The following CAD variants were observed in gnomAD, a reference collection of about 807,000 sequenced individuals.
The protein encoded by CAD is multifunctional protein CAD.
CAD carries 81 observed loss-of-function variants against 237.2 expected under a neutral mutation model. The ratio of observed to expected loss-of-function variants is 0.34; its 90% CI spans 0.29 to 0.41. CAD has a LOEUF of 0.41. Ranked by LOEUF, CAD falls within the 10% of genes least tolerant of loss-of-function variation. CAD has a pLI of 1.00. For synonymous variants in CAD, 1,196 were observed against 1,162.8 expected (o/e 1.03, Z -0.58); for missense variants, 2,181 against 2,951.7 (o/e 0.74, Z 6.05).
At position 27,226,511 on chromosome 2, in the gene CAD, C is replaced by T; in HGVS notation, c.2032-14C>T. Reference sequence around the variant, plus strand: ...GGTCTTCTAGGCCAGTGACTTTATTCTCCTTCTTTGCAGTATTACATCATT... The same window carrying T: ...GGTCTTCTAGGCCAGTGACTTTATTTTCCTTCTTTGCAGTATTACATCATT... On this transcript the variant is annotated splice_polypyrimidine_tract_variant and intron_variant, in intron 13 of 43. Transcript: ENST00000264705. 4 of 1,613,758 alleles carry T rather than the reference C, an allele frequency of 2.5e-6. No homozygotes were observed. The South Asian group carries it at 3.3e-5, about 13-fold the overall frequency.
chr2:27,242,939 A>T lies in CAD; in HGVS notation c.6446A>T (p.Lys2149Met). Residue 2149 changes from lysine to methionine, a missense_variant, in exon 42 of 44, where the codon AAG becomes ATG. Physicochemically the swap from Lys to Met is moderately conservative, Grantham distance 95. Coordinates refer to ENST00000264705, the MANE Select transcript of CAD (RefSeq NM_004341.5). The surrounding 1 kb of genome is among the most constrained non-coding windows in gnomAD (Gnocchi z 6.4). ...GTGCTCTACATGACTCGAATCCAGA[A>T]GGAACGATTTGGCTCTACCCAGGAG... ...TDVLYMTRIQ[K>M]ERFGSTQEYE... 1 of 1,608,798 alleles carries T rather than the reference A, an allele frequency of 6.2e-7. No homozygotes were observed. Among genetic ancestry groups the T allele is most frequent in the Non-Finnish European group, 8.5e-7 (1 of 1,175,692 alleles).
intron 1 of CAD, 95 bp from the exon 2 acceptor site, chr2:27,217,782 C>G: frequency 2.0e-6 from 3 of 1,482,310 alleles, no homozygotes; most frequent in Non-Finnish European, 2.7e-6. Flanking sequence ...ATAAACCCCT[C>G]GCGACCAAGG....
At chr2:27,231,073 G>A (rs1169535416) in intron 15 of CAD, among the ~76,000 whole-genome samples, 1 of 152,186 alleles carries the variant, frequency 6.6e-6, no homozygotes, top group Non-Finnish European at 1.5e-5. Context: ...TGGTGTGATC[G>A]CTGCTCACTG....
rs781352392 is a variant in CAD, at chr2:27,232,473, C to T, written c.2671C>T (p.Arg891Cys). The T allele has an allele frequency of 3.1e-6, 5 of 1,614,184 alleles. No homozygotes were observed. The highest frequency in any genetic ancestry group is 4.2e-6 in the Non-Finnish European group (5 of 1,180,038). The change falls in exon 18 of 44, where the codon CGT becomes TGT. Residue 891 changes from arginine (R) to cysteine (C), a missense_variant. Transcript: ENST00000264705. The surrounding 1 kb of genome is among the most constrained non-coding windows in gnomAD (Gnocchi z 4.1). ...LSTELAVRKL[R>C]QELGICPAVK... The stretch of plus-strand genomic sequence containing the variant: ...CACAGAGCTGGCTGTTCGCAAGCTG[C>T]GTCAGGAACTGGGGATCTGTCCAGC...
intron 5 of CAD, 73 bp from the exon 6 acceptor site, chr2:27,222,793 G>T: frequency 6.3e-7 from 1 of 1,578,864 alleles, no homozygotes; most frequent in Non-Finnish European, 8.7e-7. Flanking sequence ...ACTCTCATGG[G>T]CTGGGGGGGC....
chr2:27,232,856 T>TAC lies in CAD; in HGVS notation c.2892+163_2892+164insCA. Among the ~76,000 whole-genome samples, 1 of 152,192 alleles carries TAC rather than the reference T, an allele frequency of 6.6e-6. No homozygotes were observed. Among genetic ancestry groups the TAC allele is most frequent in the African/African-American group, 2.4e-5 (1 of 41,522 alleles). On this transcript the variant is annotated intron_variant, in intron 18 of 43. Transcript: ENST00000264705. This position sits in a 1 kb window ranked among gnomAD's most constrained non-coding sequence, Gnocchi z 4.1. ...AGGCCATCTCTCATGCCCCACACGG[T>TAC]ATATGAATCTCTTCCCCAACACTTT...
At chr2:27,231,881 G>T in intron 16 of CAD, 99 bp from the exon 17 acceptor site, 1 of 1,432,246 alleles carries the variant, frequency 7.0e-7, no homozygotes, top group Non-Finnish European at 9.7e-7. Flanking sequence ...CTGTGCTCTG[G>T]TGTACAGTTT....
Position 27,239,575 on chromosome 2 carries a change from G to T in CAD, c.5394+104G>T. The T allele has an allele frequency of 2.6e-6, 4 of 1,528,496 alleles. No individual in the cohort carries two copies. Among genetic ancestry groups the T allele is most frequent in the Non-Finnish European group, 3.6e-6 (4 of 1,114,760 alleles). 94.7% of individuals were successfully genotyped at this position (1,528,496 alleles called of 1,614,324 possible). On this transcript the variant is annotated intron_variant, in intron 33 of 43. Coordinates refer to ENST00000264705, the MANE Select transcript of CAD (RefSeq NM_004341.5). The surrounding 1 kb of genome is among the most constrained non-coding windows in gnomAD (Gnocchi z 4.0). ...ACACTGTCCCACTATGTGCACCACT[G>T]CCCTGGACCAGGGGTTGGGGGCACA...
At position 27,220,160 on chromosome 2, in the gene CAD, TCTGA is replaced by T. The variant is rs371132673; in HGVS notation, c.223-1052_223-1049del. The stretch of plus-strand genomic sequence containing the variant: ...TGCAATGCCTGCACCTCAATAAATG[TCTGA>T]CTGACACCATGTGCCTTGCTCTTGA... On this transcript the variant is annotated intron_variant, in intron 2 of 43. Transcript: ENST00000264705. Among the ~76,000 whole-genome samples the T allele has an allele frequency of 7.9e-5, 12 of 152,308 alleles. 1 individual carries two copies. The highest frequency in any genetic ancestry group is 2.6e-4 in the African/African-American group (11 of 41,570).
At position 27,235,911 on chromosome 2, in the gene CAD, T is replaced by C. The variant is rs976034661; in HGVS notation, c.4074+271T>C. 2 of 482,844 alleles carry C rather than the reference T, an allele frequency of 4.1e-6. No homozygotes were observed. Among genetic ancestry groups the C allele is most frequent in the African/African-American group, 2.0e-5 (1 of 51,222 alleles). 29.9% of individuals were successfully genotyped at this position (482,844 alleles called of 1,614,324 possible). ...AACAAAGAATTATCTCCTATTCCCC[T>C]GCTTTTATTATTACCATTATACTAG... On this transcript the variant is annotated intron_variant, in intron 25 of 43. Transcript: ENST00000264705. This position sits in a 1 kb window ranked among gnomAD's most constrained non-coding sequence, Gnocchi z 5.2.
At position 27,236,373 on chromosome 2, in the gene CAD, C is replaced by T. The variant is rs1294125869; in HGVS notation, c.4164C>T (p.Asn1388=). The T allele has an allele frequency of 1.2e-6, 2 of 1,614,246 alleles. No individual in the cohort carries two copies. Among genetic ancestry groups the T allele is most frequent in the South Asian group, 2.2e-5 (2 of 91,092 alleles). ...TCCTGGAGCAGCTAGCTGAGAAAAACTTTGAGCTGGTGATTAACCTGTCAA... is the reference window on the plus strand; with the variant it reads ...TCCTGGAGCAGCTAGCTGAGAAAAATTTTGAGCTGGTGATTAACCTGTCAA... ...RSILEQLAEK[N]FELVINLSMR... is the part of the protein sequence containing the mutation. The change falls in exon 26 of 44, where the codon AAC becomes AAT. Residue 1388 remains asparagine (N), a synonymous_variant. Coordinates refer to ENST00000264705, the MANE Select transcript of CAD (RefSeq NM_004341.5). This position sits in a 1 kb window ranked among gnomAD's most constrained non-coding sequence, Gnocchi z 4.1.
Position 27,236,215 on chromosome 2 carries a change from C to T in CAD, c.4075-69C>T, listed in dbSNP as rs1442652975. 1.9e-6 allele frequency: 3 copies of T among 1,574,264 alleles called. No individual in the cohort carries two copies. The highest frequency in any genetic ancestry group is 2.2e-5 in the East Asian group (1 of 44,482). ...ATCATGGGCTCCTGGGCCAGCTCCTCTCCCTTAAGGCTAGCCTTCCTGACC... is the reference window on the plus strand; with the variant it reads ...ATCATGGGCTCCTGGGCCAGCTCCTTTCCCTTAAGGCTAGCCTTCCTGACC... On this transcript the variant is annotated intron_variant, in intron 25 of 43. Coordinates refer to ENST00000264705, the MANE Select transcript of CAD (RefSeq NM_004341.5). The surrounding 1 kb of genome is among the most constrained non-coding windows in gnomAD (Gnocchi z 4.1).
At position 27,236,555 on chromosome 2, in the gene CAD, T is replaced by TG; in HGVS notation, c.4314+33dup. On this transcript the variant is annotated intron_variant, in intron 26 of 43. Transcript: ENST00000264705. This position sits in a 1 kb window ranked among gnomAD's most constrained non-coding sequence, Gnocchi z 4.1. The stretch of plus-strand genomic sequence containing the variant: ...GAGACCCATGTGCTGGGAGGGAGAC[T>TG]GCCAGTGTTGATGGGAAGAAGAAAG... 1 of 1,605,666 alleles carries TG rather than the reference T, an allele frequency of 6.2e-7. No homozygotes were observed. The highest frequency in any genetic ancestry group is 8.5e-7 in the Non-Finnish European group (1 of 1,178,006).
rs992575054 is a variant in CAD, at chr2:27,237,225, TGTTGGTCAG to T, written c.4397-146_4397-138del. On this transcript the variant is annotated intron_variant, in intron 27 of 43. Coordinates refer to ENST00000264705, the MANE Select transcript of CAD (RefSeq NM_004341.5). The surrounding 1 kb of genome is among the most constrained non-coding windows in gnomAD (Gnocchi z 4.0). ...TTTTAGTAGAGACGGGGTTTCACCATGTTGGTCAGGTTGGTCTCGAACTCCTGATCTCAG... is the reference window on the plus strand; with the variant it reads ...TTTTAGTAGAGACGGGGTTTCACCATGTTGGTCTCGAACTCCTGATCTCAG... 9.3e-4 allele frequency among the ~76,000 whole-genome samples: 142 copies of T among 152,210 alleles called. No individual in the cohort carries two copies. Among genetic ancestry groups the T allele is most frequent in the African/African-American group, 3.3e-3 (136 of 41,528 alleles).
chr2:27,232,838 C>G lies in CAD; in HGVS notation c.2892+144C>G. On this transcript the variant is annotated intron_variant, in intron 18 of 43. Coordinates refer to ENST00000264705, the MANE Select transcript of CAD (RefSeq NM_004341.5). This position sits in a 1 kb window ranked among gnomAD's most constrained non-coding sequence, Gnocchi z 4.1. ...TGGGGTGGGGGTCCTTTTAGGCCATCTCTCATGCCCCACACGGTATATGAA... is the reference window on the plus strand; with the variant it reads ...TGGGGTGGGGGTCCTTTTAGGCCATGTCTCATGCCCCACACGGTATATGAA... 1.0e-6 allele frequency: 1 copy of G among 1,002,412 alleles called. No individual in the cohort carries two copies. The highest frequency in any genetic ancestry group is 1.5e-6 in the Non-Finnish European group (1 of 660,580). 62.1% of individuals were successfully genotyped at this position (1,002,412 alleles called of 1,614,324 possible).
chr2:27,237,709 C>G lies in CAD; in HGVS notation c.4564-9C>G, dbSNP rs575379595. The G allele has an allele frequency of 1.3e-5, 21 of 1,610,092 alleles. No homozygotes were observed. In the East Asian group the frequency reaches 2.0e-4, roughly 15 times the overall value. On this transcript the variant is annotated splice_polypyrimidine_tract_variant and intron_variant, in intron 28 of 43. Coordinates refer to ENST00000264705, the MANE Select transcript of CAD (RefSeq NM_004341.5). This position sits in a 1 kb window ranked among gnomAD's most constrained non-coding sequence, Gnocchi z 4.0. ...GCCAGTGAGCCTTACCTCTGTGTAT[C>G]CTCTCCAGCTGGCAGAGGCTGGCGC... is the stretch of plus-strand genomic sequence containing the variant.
intron 14 of CAD, 39 bp from the exon 15 acceptor site, chr2:27,226,793 C>G (rs1373593034): frequency 6.2e-7 from 1 of 1,612,418 alleles, no homozygotes; most frequent in African/African-American, 1.3e-5. Context: ...TTTATGCTTC[C>G]TTCACTGTCC....
chr2:27,240,799 G>A lies in CAD; in HGVS notation c.5594-112G>A. On this transcript the variant is annotated intron_variant, in intron 35 of 43. Coordinates refer to ENST00000264705, the MANE Select transcript of CAD (RefSeq NM_004341.5). This position sits in a 1 kb window ranked among gnomAD's most constrained non-coding sequence, Gnocchi z 4.6. ...CCCTCCCCTAACCTGCTATATTACTGTGTTGTGAATTGGTTTAACATATAC... is the reference window on the plus strand; with the variant it reads ...CCCTCCCCTAACCTGCTATATTACTATGTTGTGAATTGGTTTAACATATAC... 1 of 1,281,288 alleles carries A rather than the reference G, an allele frequency of 7.8e-7. No individual in the cohort carries two copies. Among genetic ancestry groups the A allele is most frequent in the Non-Finnish European group, 1.1e-6 (1 of 897,424 alleles). The allele number at this position is 1,281,288 out of a possible 1,614,324, so 79.4% of individuals were successfully genotyped here.
intron 8 of CAD, 56 bp downstream of exon 8, chr2:27,224,085 T>A (rs1004605995): frequency 9.1e-6 from 12 of 1,325,784 alleles, no homozygotes; most frequent in Admixed American, 8.4e-5. Context: ...GGCTCCAGGA[T>A]GGGCATAAGG....
Sources: gnomAD v4.1 joint callset for allele counts (sites outside exome capture counted in the v4.1 genomes callset) on GRCh38, gnomAD v4.1.1 for gene constraint, Gnocchi (gnomAD v3.1) non-coding constraint, MANE v1.5 for transcripts, NCBI Gene and HGNC (gene_info 2026-07-23, HGNC 2026-07-21) for gene names.